Variants in MYH7B observed in about 807,000 individuals in gnomAD.
The protein encoded by MYH7B is myosin-7B.
Under a neutral mutation model 234.5 loss-of-function variants are expected in MYH7B, and 205 were observed. The ratio of observed to expected loss-of-function variants is 0.87; its 90% CI spans 0.78 to 0.98. MYH7B has a LOEUF of 0.98. Ranked by LOEUF, MYH7B falls within the 50% of genes least tolerant of loss-of-function variation. The pLI is 0.00. For missense variants in MYH7B, 2,652 were observed against 2,633.4 expected (o/e 1.01, Z -0.15); for synonymous variants, 1,193 against 1,105.0 (o/e 1.08, Z -1.58).
exon 27 of MYH7B, chr20:34,994,272 G>A (rs765145666): frequency 3.1e-5 from 50 of 1,612,748 alleles, no homozygotes; most frequent in Middle Eastern, 1.7e-4. Context: ...AGGAGCTGGC[G>A]GCCCTGCGGG....
At chr20:34,993,508 C>T in intron 26 of MYH7B, 38 bp downstream of exon 26, 1 of 1,512,260 alleles carries the variant, frequency 6.6e-7, no homozygotes, top group South Asian at 1.2e-5. Context: ...GGGTGTGTCC[C>T]CTGCCTCTCA....
exon 26 of MYH7B, chr20:34,993,405 G>A (rs949213918): frequency 6.2e-6 from 10 of 1,612,756 alleles, no homozygotes; most frequent in Middle Eastern, 1.6e-4. Flanking sequence ...AGGTGCTGAC[G>A]CTGCTGCAGG....
At chr20:34,999,750 T>TGGG in intron 37 of MYH7B, 41 bp from the exon 38 acceptor site, 6 of 1,320,724 alleles carry the variant, frequency 4.5e-6, no homozygotes, top group South Asian at 2.8e-5. Context: ...CCACTGGCCA[T>TGGG]CCCCCCCCCC....
At chr20:34,987,044 G>A in intron 15 of MYH7B, 55 bp downstream of exon 15, 1 of 1,608,462 alleles carries the variant, frequency 6.2e-7, no homozygotes, top group South Asian at 1.1e-5. Flanking sequence ...GAATCGGGCA[G>A]CACTGCCGGT....
At chr20:34,992,161 G>A (rs1229725657) in intron 24 of MYH7B, among the ~76,000 whole-genome samples, 6 of 152,288 alleles carry the variant, frequency 3.9e-5, no homozygotes, top group Admixed American at 6.5e-5. Context: ...CGAGGCAGGC[G>A]GATCACGAGG....
At chr20:34,982,343 G>A in intron 9 of MYH7B, 116 bp from the exon 10 acceptor site, 1 of 834,958 alleles carries the variant, frequency 1.2e-6, no homozygotes, top group South Asian at 1.5e-5. Flanking sequence ...CCATCCTTGG[G>A]GGTTTCAAGC....
intron 29 of MYH7B, 36 bp from the exon 30 acceptor site, chr20:34,996,577 G>A (rs1339071461): frequency 1.9e-6 from 3 of 1,602,108 alleles, no homozygotes; most frequent in East Asian, 4.5e-5. Context: ...CGGCTGGCTT[G>A]GGCCATGGCT....
intron 1 of MYH7B, among the ~76,000 whole-genome samples, chr20:34,957,295 C>T (rs2081648371): frequency 6.6e-6 from 1 of 151,994 alleles, no homozygotes; most frequent in Non-Finnish European, 1.5e-5. Context: ...TACAGCGTGA[C>T]AAATGGTTTG....
exon 39 of MYH7B, chr20:35,000,359 T>C (rs2082345697): frequency 6.3e-7 from 1 of 1,598,634 alleles, no homozygotes; most frequent in Non-Finnish European, 8.5e-7. Flanking sequence ...GGGCCCGCAA[T>C]GAGGCGCTGC....
chr20:34,984,587 AC>A, intron 10 of MYH7B, 104 bp from the exon 11 acceptor site: 8 of 990,562 alleles, frequency 8.1e-6, no homozygotes, highest in Non-Finnish European at 1.1e-5. Flanking sequence ...GACTAACTCC[AC>A]CCCCCTGTCC....
At chr20:34,984,616 C>A in intron 10 of MYH7B, 76 bp from the exon 11 acceptor site, 3 of 1,398,348 alleles carry the variant, frequency 2.1e-6, no homozygotes, top group Non-Finnish European at 3.0e-6. Flanking sequence ...CGCTGCCTCC[C>A]GCTGATACCC....
chr20:34,960,788 C>CA (rs2081689666), intron 2 of MYH7B, among the ~76,000 whole-genome samples: 1 of 152,248 alleles, frequency 6.6e-6, no homozygotes, highest in Admixed American at 6.5e-5. Context: ...CCTGTGGAAT[C>CA]AAAGTGAGGA....
intron 7 of MYH7B, chr20:34,980,348 AGACC>A: frequency 2.2e-6 from 1 of 456,596 alleles, no homozygotes; most frequent in Non-Finnish European, 4.0e-6. Flanking sequence ...CAGAAGTTCG[AGACC>A]AGCCTGGCCA....
At position 34,966,787 on chromosome 20, in the gene MYH7B, A is replaced by T. The variant is rs2081745694; in HGVS notation, c.-222+8575A>T. 2.0e-5 allele frequency among the ~76,000 whole-genome samples: 3 copies of T among 152,326 alleles called. No homozygotes were observed. In the South Asian group the frequency reaches 6.2e-4, roughly 32 times the overall value. ...ATTAAGAAATGAAATTTGGCTAGGCATGGTGAGGCACGCCTATAGTCCCAG... is the reference window on the plus strand; with the variant it reads ...ATTAAGAAATGAAATTTGGCTAGGCTTGGTGAGGCACGCCTATAGTCCCAG... On this transcript the variant is annotated intron_variant, in intron 2 of 44. Coordinates refer to ENST00000262873, the Ensembl canonical transcript of MYH7B.
At chr20:34,974,790 A>G (rs2081831037) in intron 2 of MYH7B, among the ~76,000 whole-genome samples, 1 of 152,188 alleles carries the variant, frequency 6.6e-6, no homozygotes, top group Non-Finnish European at 1.5e-5. Flanking sequence ...CCTATTATCT[A>G]TCAGGTTTGG....
intron 27 of MYH7B, 60 bp downstream of exon 27, chr20:34,994,461 T>G (rs2082215580): frequency 1.3e-6 from 2 of 1,508,828 alleles, no homozygotes; most frequent in South Asian, 1.3e-5. Flanking sequence ...CTGGCTGCTC[T>G]GAGGGATAGT....
chr20:34,975,482 T>C (rs2147162961), exon 3 of MYH7B: 1 of 713,752 alleles, frequency 1.4e-6, no homozygotes, highest in Non-Finnish European at 2.6e-6. Flanking sequence ...CCCAAAGTGC[T>C]GGAATTACAG....
exon 36 of MYH7B, chr20:34,999,336 C>A: frequency 5.1e-6 from 8 of 1,562,464 alleles, no homozygotes; most frequent in Non-Finnish European, 6.1e-6. Context: ...GCTCTTCCGG[C>A]TGCGGCACGG....
chr20:34,989,984 C>G (rs2082111495), intron 20 of MYH7B, 30 bp from the exon 21 acceptor site: 1 of 1,613,376 alleles, frequency 6.2e-7, no homozygotes, highest in Non-Finnish European at 8.5e-7. Context: ...GGTCTCCCAC[C>G]CGGGCTCAGC....
Sources: allele counts gnomAD v4.1 joint callset (sites outside exome capture counted in the v4.1 genomes callset), GRCh38; gene constraint gnomAD v4.1.1; transcripts MANE v1.5; gene names NCBI Gene and HGNC (gene_info 2026-07-23, HGNC 2026-07-21).